Variants in CACNA2D1 observed in about 807,000 individuals in gnomAD.
CACNA2D1 encodes the protein voltage-dependent calcium channel subunit alpha-2/delta-1.
CACNA2D1 carries 53 observed loss-of-function variants against 171.5 expected under a neutral mutation model. The observed-to-expected ratio is 0.31, with a 90% CI of 0.25 to 0.39. The LOEUF is 0.39. CACNA2D1 is among the 10% of genes least tolerant of loss of function. The pLI is 1.00. For synonymous variants in CACNA2D1, 442 were observed against 443.1 expected (o/e 1.00, Z 0.03); for missense variants, 903 against 1,299.8 (o/e 0.69, Z 4.69).
chr7:82,184,992 T>G (rs1035215922), intron 3 of CACNA2D1, among the ~76,000 whole-genome samples: 1 of 152,298 alleles, frequency 6.6e-6, no homozygotes, highest in Non-Finnish European at 1.5e-5. Flanking sequence ...AGTCACCAGC[T>G]AAATGGTGGA....
At chr7:82,128,997 TTTG>T (rs1563089541) in intron 5 of CACNA2D1, among the ~76,000 whole-genome samples, 1 of 152,188 alleles carries the variant, frequency 6.6e-6, no homozygotes, top group Non-Finnish European at 1.5e-5. Flanking sequence ...TCAAATTCAT[TTTG>T]TTTTTAGCTT....
intron 3 of CACNA2D1, among the ~76,000 whole-genome samples, chr7:82,182,750 T>C (rs937805666): frequency 1.4e-4 from 21 of 151,994 alleles, no homozygotes; most frequent in African/African-American, 4.6e-4. Context: ...TGAATAAAAA[T>C]TGATTGCCCA....
intron 6 of CACNA2D1, among the ~76,000 whole-genome samples, chr7:82,096,500 CCT>C (rs1354235838): frequency 6.6e-6 from 1 of 151,726 alleles, no homozygotes; most frequent in African/African-American, 2.4e-5. Context: ...TCAGGAATAT[CCT>C]CTCTGAAGAA....
intron 1 of CACNA2D1, among the ~76,000 whole-genome samples, chr7:82,435,048 T>TG: frequency 6.8e-6 from 1 of 146,822 alleles, no homozygotes; most frequent in East Asian, 2.0e-4. Context: ...TTTTTTTTTT[T>TG]TTTTTGAGAC....
chr7:82,024,002 G>T (rs550785334), intron 12 of CACNA2D1: 2 of 151,752 alleles, frequency 1.3e-5, no homozygotes, highest in Non-Finnish European at 3.0e-5. Context: ...TTTTATTTAT[G>T]CTGAGTAGCA....
intron 1 of CACNA2D1, among the ~76,000 whole-genome samples, chr7:82,414,132 T>G (rs934471455): frequency 6.6e-6 from 1 of 152,166 alleles, no homozygotes; most frequent in African/African-American, 2.4e-5. Flanking sequence ...AAAGCAGTCC[T>G]CAAGCAGCCC....
chr7:81,999,424 A>C lies in CACNA2D1; in HGVS notation c.1591-2174T>G, dbSNP rs143686147. On this transcript the variant is annotated intron_variant, in intron 18 of 38. Coordinates refer to ENST00000356860, the MANE Select transcript of CACNA2D1 (RefSeq NM_000722.4). ...AAAATACCTAGTATTTCTCATTTGC[A>C]AAATTTGGTTATCAATGGAAATAAA... Among the ~76,000 whole-genome samples, 411 of 152,314 alleles carry C rather than the reference A, an allele frequency of 2.7e-3. 3 individuals are homozygous for C. Among genetic ancestry groups the C allele is most frequent in the African/African-American group, 9.3e-3 (388 of 41,574 alleles).
Position 82,058,679 on chromosome 7 carries a change from A to G in CACNA2D1, c.879+1749T>C, listed in dbSNP as rs1029352714. On this transcript the variant is annotated intron_variant, in intron 10 of 38. Transcript: ENST00000356860. ...AATGTTGAGAATATGTTGAGAATATAGACAAGCTAAAGGACTTCTGAAGGT... is the reference window on the plus strand; with the variant it reads ...AATGTTGAGAATATGTTGAGAATATGGACAAGCTAAAGGACTTCTGAAGGT... 2.7e-4 allele frequency among the ~76,000 whole-genome samples: 41 copies of G among 152,150 alleles called. 1 individual carries two copies. The highest frequency in any genetic ancestry group is 1.3e-4 in the Non-Finnish European group (9 of 68,026).
At chr7:82,443,343 C>T (rs1433231452) in intron 1 of CACNA2D1, 22 bp downstream of exon 1, 2 of 1,596,222 alleles carry the variant, frequency 1.3e-6, no homozygotes, top group Non-Finnish European at 1.7e-6. Flanking sequence ...GCCGGCGCTC[C>T]CTGCCCGGCC....
At chr7:81,988,143 C>T (rs1303025310) in intron 21 of CACNA2D1, among the ~76,000 whole-genome samples, 2 of 152,122 alleles carry the variant, frequency 1.3e-5, no homozygotes, top group Non-Finnish European at 2.9e-5. Flanking sequence ...ATTTGTTCAT[C>T]TAAGCAACAA....
At chr7:82,312,934 G>A (rs1814658261) in intron 3 of CACNA2D1, among the ~76,000 whole-genome samples, 2 of 152,222 alleles carry the variant, frequency 1.3e-5, no homozygotes, top group East Asian at 3.9e-4. Flanking sequence ...ATTTACAGAT[G>A]AGTCCAGACA....
chr7:82,047,185 T>A (rs893700148), intron 10 of CACNA2D1, among the ~76,000 whole-genome samples: 1 of 152,108 alleles, frequency 6.6e-6, no homozygotes, highest in East Asian at 1.9e-4. Context: ...TCCATCATTC[T>A]CCAGGTACAA....
At chr7:82,060,909 T>C (rs1277754017) in intron 9 of CACNA2D1, among the ~76,000 whole-genome samples, 8 of 152,168 alleles carry the variant, frequency 5.3e-5, no homozygotes. Context: ...TTGTTTGACT[T>C]GATTAAAACA....
chr7:82,046,608 T>G (rs908052746), intron 10 of CACNA2D1, among the ~76,000 whole-genome samples: 2 of 152,136 alleles, frequency 1.3e-5, no homozygotes, highest in Admixed American at 6.6e-5. Context: ...CTAGATTAGG[T>G]GGAAAGCCCT....
chr7:82,413,183 C>T (rs1827846382), intron 1 of CACNA2D1, among the ~76,000 whole-genome samples: 1 of 152,098 alleles, frequency 6.6e-6, no homozygotes, highest in South Asian at 2.1e-4. Context: ...CTTAGTCAAT[C>T]GCTTTTAATC....
intron 24 of CACNA2D1, 23 bp downstream of exon 24, chr7:81,982,544 A>G: frequency 6.9e-7 from 1 of 1,443,274 alleles, no homozygotes; most frequent in Admixed American, 1.7e-5. Context: ...TAGAAGATGT[A>G]TCAAAAATAC....
chr7:82,069,687 G>C (rs1472906745), intron 7 of CACNA2D1, among the ~76,000 whole-genome samples: 1 of 143,220 alleles, frequency 7.0e-6, no homozygotes, highest in Non-Finnish European at 1.5e-5. Context: ...TGGTTAACAT[G>C]GTCTAAAAAT....
chr7:82,212,292 G>C (rs576903130), intron 3 of CACNA2D1, among the ~76,000 whole-genome samples: 21 of 152,110 alleles, frequency 1.4e-4, no homozygotes, highest in African/African-American at 4.8e-4. Context: ...GACATAAAAT[G>C]AATCATTTTT....
At chr7:82,069,279 G>A (rs1177444829) in intron 7 of CACNA2D1, among the ~76,000 whole-genome samples, 1 of 152,170 alleles carries the variant, frequency 6.6e-6, no homozygotes, top group Non-Finnish European at 1.5e-5. Flanking sequence ...AAAGCTGCAT[G>A]TTTAGAAAGG....
Sources: gnomAD v4.1 joint callset for allele counts (sites outside exome capture counted in the v4.1 genomes callset) on GRCh38, gnomAD v4.1.1 for gene constraint, MANE v1.5 for transcripts, NCBI Gene and HGNC (gene_info 2026-07-23, HGNC 2026-07-21) for gene names.